The following DNM3 variants were observed in gnomAD, a reference collection of about 807,000 sequenced individuals.
The protein encoded by DNM3 is dynamin-3.
Under a neutral mutation model 101.6 loss-of-function variants are expected in DNM3, and 47 were observed. The observed-to-expected ratio is 0.46, with a 90% CI of 0.37 to 0.59. The LOEUF (loss-of-function observed/expected upper bound fraction) is 0.59, where lower values mean the gene tolerates loss of function less well. Ranked by LOEUF, DNM3 falls within the 20% of genes least tolerant of loss-of-function variation. The pLI, the probability that DNM3 is intolerant of heterozygous loss-of-function variation, is 0.00. For synonymous variants in DNM3, 385 were observed against 387.9 expected, an observed-to-expected ratio of 0.99 and a Z score of 0.09; for missense variants, 849 against 1,085.7, an observed-to-expected ratio of 0.78 and a Z score of 3.06.
intron 2 of DNM3, 108 bp from the exon 3 acceptor site, chr1:171,987,548 G>A (rs540025554): frequency 8.5e-6 from 10 of 1,171,790 alleles, no homozygotes; most frequent in African/African-American, 3.2e-5. Flanking sequence ...TGTTCATGAA[G>A]GAAGAAGAGA....
intron 14 of DNM3, among the ~76,000 whole-genome samples, chr1:172,183,899 C>T (rs1332211982): frequency 2.8e-5 from 4 of 145,126 alleles, no homozygotes; most frequent in African/African-American, 1.0e-4. Flanking sequence ...TGAGCCAATA[C>T]ACCTGGCTTC....
Position 172,388,584 on chromosome 1 carries a change from C to T in DNM3, c.2297C>T (p.Pro766Leu). 6.2e-7 allele frequency: 1 copy of T among 1,613,948 alleles called. No individual in the cohort carries two copies. The highest frequency in any genetic ancestry group is 8.5e-7 in the Non-Finnish European group (1 of 1,179,858). ...CTCTTTTTCCTCAGGTCACCTCCTC[C>T]AAGCCCCACAACCCAAAGGAGGCCA... is the stretch of plus-strand genomic sequence containing the variant. ...WIQHSRRSPP[P>L]SPTTQRRPTL... Residue 766 changes from proline (P) to leucine (L), a missense_variant, in exon 20 of 21, where the codon CCA (proline) becomes CTA (leucine). Around this residue, in one of 5 missense-constraint regions of DNM3, gnomAD observed 256 missense variants for 311.7 expected, o/e 0.82. Transcript: ENST00000627582.
chr1:171,910,697 A>G (rs2039221530), intron 1 of DNM3, among the ~76,000 whole-genome samples: 1 of 152,244 alleles, frequency 6.6e-6, no homozygotes, highest in South Asian at 2.1e-4. Context: ...AATGATGACA[A>G]TGATAGTAAT....
chr1:172,046,088 A>G (rs1450748278), intron 9 of DNM3, among the ~76,000 whole-genome samples: 1 of 152,212 alleles, frequency 6.6e-6, no homozygotes, highest in Admixed American at 6.5e-5. Context: ...TCACGCTGCT[A>G]TAAAGACACA....
intron 14 of DNM3, among the ~76,000 whole-genome samples, chr1:172,239,053 C>G (rs1381374395): frequency 6.6e-6 from 1 of 152,172 alleles, no homozygotes; most frequent in East Asian, 1.9e-4. Context: ...TAAGTACCCC[C>G]TCTCAGCCTG....
chr1:172,218,861 A>G (rs1424822896), intron 14 of DNM3, among the ~76,000 whole-genome samples: 1 of 152,188 alleles, frequency 6.6e-6, no homozygotes, highest in Non-Finnish European at 1.5e-5. Context: ...GAGAAATTAA[A>G]AGAAATTTCT....
intron 1 of DNM3, among the ~76,000 whole-genome samples, chr1:171,907,300 T>C (rs1011234954): frequency 6.6e-6 from 1 of 152,208 alleles, no homozygotes; most frequent in Non-Finnish European, 1.5e-5. Flanking sequence ...AAGATCAGCC[T>C]GACCAACATG....
chr1:171,874,595 T>C (rs2035585750), intron 1 of DNM3, among the ~76,000 whole-genome samples: 1 of 152,196 alleles, frequency 6.6e-6, no homozygotes, highest in African/African-American at 2.4e-5. Context: ...CAAATGCACA[T>C]GTATGATTAG....
chr1:172,313,575 A>T (rs955737418), intron 16 of DNM3, among the ~76,000 whole-genome samples: 32 of 152,206 alleles, frequency 2.1e-4, no homozygotes, highest in African/African-American at 7.0e-4. Context: ...ATCCACTCAC[A>T]GTTGGATCCT....
chr1:172,030,256 A>G (rs981721077), intron 4 of DNM3, among the ~76,000 whole-genome samples: 2 of 152,202 alleles, frequency 1.3e-5, no homozygotes, highest in Non-Finnish European at 2.9e-5. Flanking sequence ...AACGCCAGAC[A>G]TCTACAACCA....
intron 1 of DNM3, among the ~76,000 whole-genome samples, chr1:171,905,552 C>T (rs1450826687): frequency 6.6e-6 from 1 of 152,068 alleles, no homozygotes; most frequent in Non-Finnish European, 1.5e-5. Context: ...GGAGACCTGT[C>T]TCAAGGTAGC....
intron 17 of DNM3, among the ~76,000 whole-genome samples, chr1:172,364,261 CTACAAG>C (rs1453564846): frequency 6.6e-6 from 1 of 151,774 alleles, no homozygotes; most frequent in Non-Finnish European, 1.5e-5. Context: ...AAGATAGACT[CTACAAG>C]TACAACAGAA....
At chr1:172,073,243 GTACA>G (rs2052354685) in intron 11 of DNM3, among the ~76,000 whole-genome samples, 1 of 150,596 alleles carries the variant, frequency 6.6e-6, no homozygotes, top group Non-Finnish European at 1.5e-5. Flanking sequence ...GTATTTACAT[GTACA>G]TATATACATA....
intron 13 of DNM3, among the ~76,000 whole-genome samples, chr1:172,106,847 C>CTTTTTATTTTTTTTT (rs2055064249): frequency 1.5e-5 from 1 of 67,958 alleles, no homozygotes; most frequent in Admixed American, 2.4e-4. Context: ...TAACATTATT[C>CTTTTTATTTTTTTTT]TTTTTTTTTT....
intron 20 of DNM3, among the ~76,000 whole-genome samples, chr1:172,403,507 A>C (rs1386770405): frequency 6.6e-6 from 1 of 152,182 alleles, no homozygotes; most frequent in Non-Finnish European, 1.5e-5. Context: ...AAAATAAGGC[A>C]AGAAAACAAT....
In DNM3 at chr1:172,093,740, C is replaced by T. The variant is rs760056215; in HGVS notation, c.1545+865C>T. 3 of 1,602,162 alleles carry T rather than the reference C, an allele frequency of 1.9e-6. No individual in the cohort carries two copies. The African/African-American group carries it at 4.0e-5, about 22-fold the overall frequency. On this transcript the variant is annotated intron_variant, in intron 13 of 20. Transcript: ENST00000627582. The stretch of plus-strand genomic sequence containing the variant: ...CAAGGCAAATTGTACGAGCTAAGTT[C>T]TGTAAGCTTTACTGTTGCTTTTTCA...
intron 13 of DNM3, among the ~76,000 whole-genome samples, chr1:172,113,430 C>T (rs545924274): frequency 1.6e-3 from 249 of 151,866 alleles, no homozygotes; most frequent in Non-Finnish European, 2.1e-3. Flanking sequence ...TCAGCCTGGC[C>T]GACATGGTGA....
intron 15 of DNM3, among the ~76,000 whole-genome samples, chr1:172,270,033 C>T (rs940942850): frequency 1.3e-5 from 2 of 151,772 alleles, no homozygotes; most frequent in African/African-American, 2.4e-5. Context: ...AGGTTTTTAG[C>T]AATAACATGT....
chr1:172,122,154 G>A (rs2056361941), intron 13 of DNM3, among the ~76,000 whole-genome samples: 1 of 152,000 alleles, frequency 6.6e-6, no homozygotes, highest in Admixed American at 6.6e-5. Flanking sequence ...TAGGAAAATA[G>A]GAAAAATACA....
Sources: gnomAD v4.1 joint callset for allele counts (sites outside exome capture counted in the v4.1 genomes callset) on GRCh38, gnomAD v4.1.1 for gene constraint, gnomAD v4.1.1 regional missense constraint, MANE v1.5 for transcripts, NCBI Gene and HGNC (gene_info 2026-07-23, HGNC 2026-07-21) for gene names.